Variants in DPP10 observed in about 807,000 individuals in gnomAD.
DPP10 encodes inactive dipeptidyl peptidase 10.
In DPP10, 33 loss-of-function variants were observed where a neutral mutation model predicts 120.9. That is an observed-to-expected ratio of 0.27 (90% CI 0.21 to 0.37). The LOEUF (loss-of-function observed/expected upper bound fraction) is 0.37, where lower values mean the gene tolerates loss of function less well. DPP10 is among the 10% of genes least tolerant of loss of function. The probability of loss-of-function intolerance (pLI) is 1.00; values close to 1 mark genes in which losing one functional copy is unlikely to be tolerated. For missense variants in DPP10, 816 were observed against 942.8 expected, an observed-to-expected ratio of 0.87 and a Z score of 1.76; for synonymous variants, 337 against 326.1, an observed-to-expected ratio of 1.03 and a Z score of -0.36.
chr2:114,718,400 GAAAAAA>G (rs71297184), intron 1 of DPP10, among the ~76,000 whole-genome samples: 1,887 of 81,186 alleles, frequency 0.023, 32 homozygotes, highest in African/African-American at 0.073. Flanking sequence ...GACTCTGTTT[GAAAAAA>G]AAAAAAAAAA....
At chr2:115,118,543 G>A (rs2049648855) in intron 1 of DPP10, among the ~76,000 whole-genome samples, 1 of 152,106 alleles carries the variant, frequency 6.6e-6, no homozygotes, top group African/African-American at 2.4e-5. Context: ...GAAGGCAAAG[G>A]GAGAGATAAA....
chr2:115,249,007 G>GT (rs963476636), intron 1 of DPP10, among the ~76,000 whole-genome samples: 33 of 152,186 alleles, frequency 2.2e-4, no homozygotes, highest in African/African-American at 7.5e-4. Context: ...TCTTATTGAA[G>GT]TTTTGCTAGT....
At chr2:114,893,365 AG>A (rs1410856156) in intron 1 of DPP10, among the ~76,000 whole-genome samples, 1 of 152,226 alleles carries the variant, frequency 6.6e-6, no homozygotes, top group Non-Finnish European at 1.5e-5. Flanking sequence ...AGAGATTCAA[AG>A]GAAAGAAACC....
At chr2:115,703,161 C>T (rs1429843024) in intron 7 of DPP10, among the ~76,000 whole-genome samples, 2 of 151,752 alleles carry the variant, frequency 1.3e-5, no homozygotes, top group South Asian at 2.1e-4. Flanking sequence ...TCAAGAAGCT[C>T]AAGTCCAGAT....
At chr2:114,446,572 C>A (rs1677957131) in intron 1 of DPP10, among the ~76,000 whole-genome samples, 1 of 152,192 alleles carries the variant, frequency 6.6e-6, no homozygotes, top group African/African-American at 2.4e-5. Context: ...ACTGCCTTCA[C>A]ACCCAGGTTT....
chr2:115,419,951 T>G (rs536792563), intron 3 of DPP10, among the ~76,000 whole-genome samples: 2 of 152,308 alleles, frequency 1.3e-5, no homozygotes, highest in Admixed American at 6.5e-5. Context: ...CCCTTGCAAT[T>G]GTATATATCT....
At chr2:115,704,130 C>G (rs1427748575) in intron 7 of DPP10, among the ~76,000 whole-genome samples, 1 of 151,972 alleles carries the variant, frequency 6.6e-6, no homozygotes, top group Non-Finnish European at 1.5e-5. Context: ...GCCACTCCAG[C>G]ACAGAGCACA....
chr2:115,146,600 A>C (rs1338678647), intron 1 of DPP10, among the ~76,000 whole-genome samples: 59 of 151,842 alleles, frequency 3.9e-4, no homozygotes, highest in South Asian at 2.1e-4. Context: ...AAAAAAAAAA[A>C]CAACCTCGAG....
chr2:114,770,725 G>A (rs1314030125), intron 1 of DPP10, among the ~76,000 whole-genome samples: 1 of 152,198 alleles, frequency 6.6e-6, no homozygotes. Flanking sequence ...GCCTTGAACA[G>A]TAATGCCATT....
At chr2:114,463,854 T>A (rs1421532656) in intron 1 of DPP10, among the ~76,000 whole-genome samples, 1 of 152,220 alleles carries the variant, frequency 6.6e-6, no homozygotes, top group Non-Finnish European at 1.5e-5. Flanking sequence ...GTCCATGTAT[T>A]TCTGCCTTTT....
intron 5 of DPP10, among the ~76,000 whole-genome samples, chr2:115,672,680 C>CTCTTTCTTTCTTTCTTTCTT (rs70941085): frequency 0.11 from 12,700 of 113,134 alleles, 1,205 homozygotes; most frequent in Middle Eastern, 0.14. Flanking sequence ...CTCTTTCTTT[C>CTCTTTCTTTCTTTCTTTCTT]TCTTTCTTTC....
chr2:115,377,769 A>G (rs1425955166), intron 3 of DPP10, among the ~76,000 whole-genome samples: 2 of 151,904 alleles, frequency 1.3e-5, no homozygotes, highest in African/African-American at 2.4e-5. Context: ...CTTTCTACAT[A>G]TGGCTAGCCA....
chr2:115,593,852 C>T (rs1025375369), intron 5 of DPP10, among the ~76,000 whole-genome samples: 1 of 152,148 alleles, frequency 6.6e-6, no homozygotes, highest in Admixed American at 6.5e-5. Flanking sequence ...AATCATTGTT[C>T]ATATAGGCTT....
intron 1 of DPP10, among the ~76,000 whole-genome samples, chr2:115,246,586 C>T (rs897771072): frequency 2.6e-5 from 4 of 151,618 alleles, no homozygotes; most frequent in African/African-American, 7.3e-5. Context: ...AGCATCTGGG[C>T]GAAGTGTGAA....
intron 10 of DPP10, among the ~76,000 whole-genome samples, chr2:115,751,241 A>G (rs1237437258): frequency 6.6e-6 from 1 of 152,198 alleles, no homozygotes; most frequent in African/African-American, 2.4e-5. Flanking sequence ...AGAAAAATCT[A>G]TTAAAGGTTA....
intron 21 of DPP10, among the ~76,000 whole-genome samples, chr2:115,833,610 A>G (rs546096594): frequency 6.6e-6 from 1 of 152,194 alleles, no homozygotes; most frequent in East Asian, 1.9e-4. Flanking sequence ...AATGCCACGC[A>G]TGGAAAATTC....
chr2:114,973,719 G>A (rs925656030), intron 1 of DPP10, among the ~76,000 whole-genome samples: 1 of 149,784 alleles, frequency 6.7e-6, no homozygotes, highest in Non-Finnish European at 1.5e-5. Flanking sequence ...GGTCTCTTAG[G>A]AGGTATTTCA....
intron 1 of DPP10, among the ~76,000 whole-genome samples, chr2:115,173,075 T>C (rs796428245): frequency 5.3e-5 from 8 of 152,360 alleles, no homozygotes; most frequent in African/African-American, 1.9e-4. Context: ...AATATGCATT[T>C]ACTTTTCTGA....
intron 1 of DPP10, among the ~76,000 whole-genome samples, chr2:115,103,423 C>T (rs2048800293): frequency 6.6e-6 from 1 of 152,152 alleles, no homozygotes; most frequent in South Asian, 2.1e-4. Flanking sequence ...CTCCTGACCT[C>T]GGGATCCGCC....
Sources: gnomAD v4.1 joint callset for allele counts (sites outside exome capture counted in the v4.1 genomes callset) on GRCh38, gnomAD v4.1.1 for gene constraint, MANE v1.5 for transcripts, NCBI Gene and HGNC (gene_info 2026-07-23, HGNC 2026-07-21) for gene names.